The following AOPEP variants were observed in gnomAD, a reference collection of about 807,000 sequenced individuals.
AOPEP encodes the protein aminopeptidase O (putative).
A neutral mutation model predicts 98.1 loss-of-function variants in AOPEP; 77 were observed. That is an observed-to-expected ratio of 0.78 (90% CI 0.65 to 0.95). The LOEUF (loss-of-function observed/expected upper bound fraction) is 0.95. AOPEP is among the 40% of genes least tolerant of loss of function. The pLI is 0.00. For missense variants in AOPEP, 1,024 were observed against 1,024.7 expected (o/e 1.00, Z 0.01); for synonymous variants, 346 against 365.3 (o/e 0.95, Z 0.60).
intron 10 of AOPEP, among the ~76,000 whole-genome samples, 156 bp from the exon 11 acceptor site, chr9:94,979,211 C>G (rs1306037684): frequency 2.6e-5 from 4 of 151,964 alleles, no homozygotes; most frequent in African/African-American, 7.3e-5. Flanking sequence ...GGGCTCCCTT[C>G]CACACTTCAA....
the AOPEP span, among the ~76,000 whole-genome samples, chr9:95,118,363 G>A: frequency 1.3e-5 from 2 of 152,226 alleles, no homozygotes; most frequent in East Asian, 1.9e-4. Flanking sequence ...AACTGTGCTC[G>A]CATTTCGAGG....
chr9:94,828,734 AATAT>A (rs1041683720), intron 5 of AOPEP, among the ~76,000 whole-genome samples: 1 of 151,084 alleles, frequency 6.6e-6, no homozygotes, highest in African/African-American at 2.4e-5. Context: ...ATACACACAC[AATAT>A]ATATATATAC....
At chr9:94,971,695 T>C (rs960196865) in intron 10 of AOPEP, among the ~76,000 whole-genome samples, 5 of 152,244 alleles carry the variant, frequency 3.3e-5, no homozygotes, top group African/African-American at 1.2e-4. Flanking sequence ...TCTCTTGCTT[T>C]GATTTACTCA....
intron 5 of AOPEP, among the ~76,000 whole-genome samples, chr9:94,807,296 C>T (rs80047694): frequency 0.027 from 4,178 of 152,236 alleles, 190 homozygotes; most frequent in African/African-American, 0.095. Context: ...CATCATTATA[C>T]CATGATTCTT....
chr9:94,795,540 T>A (rs1846740592), intron 4 of AOPEP, among the ~76,000 whole-genome samples: 1 of 152,208 alleles, frequency 6.6e-6, no homozygotes, highest in Non-Finnish European at 1.5e-5. Flanking sequence ...TGATTGATTG[T>A]TAGAGGAGCT....
chr9:95,024,837 T>G (rs2063718071), intron 13 of AOPEP, among the ~76,000 whole-genome samples: 1 of 152,248 alleles, frequency 6.6e-6, no homozygotes, highest in African/African-American at 2.4e-5. Flanking sequence ...CGACTTCAGC[T>G]AAAAATAATT....
chr9:95,005,437 G>A (rs2061931823), intron 12 of AOPEP, 105 bp from the exon 13 acceptor site: 2 of 1,193,458 alleles, frequency 1.7e-6, no homozygotes. Flanking sequence ...CCGAGGTGCG[G>A]GGAAGACCAG....
intron 7 of AOPEP, among the ~76,000 whole-genome samples, chr9:94,950,312 G>A (rs2058013242): frequency 6.6e-6 from 1 of 152,234 alleles, no homozygotes; most frequent in African/African-American, 2.4e-5. Flanking sequence ...TTGAGCTACT[G>A]AATGCCAGGA....
intron 7 of AOPEP, chr9:94,928,904 G>A (rs1460300675): frequency 5.1e-6 from 1 of 196,848 alleles, no homozygotes; most frequent in Non-Finnish European, 1.0e-5. Flanking sequence ...GGAAAATATT[G>A]ATTCCTAAGT....
At chr9:95,114,448 G>A in the AOPEP span, 1 of 702,164 alleles carries the variant, frequency 1.4e-6, no homozygotes, top group Non-Finnish European at 2.6e-6. Context: ...ATCCTGACCT[G>A]CTCCAAGCCA....
chr9:94,906,593 A>C (rs979394998), intron 5 of AOPEP, among the ~76,000 whole-genome samples: 2 of 152,112 alleles, frequency 1.3e-5, no homozygotes, highest in African/African-American at 4.8e-5. Context: ...GCTTGAGCCC[A>C]GGAGTTCAAG....
chr9:95,032,833 T>C (rs2064436580), intron 13 of AOPEP, among the ~76,000 whole-genome samples: 1 of 152,222 alleles, frequency 6.6e-6, no homozygotes, highest in African/African-American at 2.4e-5. Flanking sequence ...TCAGTGATGT[T>C]ACAGGACGTG....
chr9:94,979,240 T>C (rs1032344040), intron 10 of AOPEP, 127 bp from the exon 11 acceptor site: 6 of 616,238 alleles, frequency 9.7e-6, no homozygotes, highest in Non-Finnish European at 1.8e-5. Context: ...AGCGCTGCCC[T>C]TTCTGTAAAG....
chr9:95,099,249 A>G, the AOPEP span: 3 of 219,014 alleles, frequency 1.4e-5, no homozygotes, highest in East Asian at 1.3e-4. Context: ...ATCAAAAACT[A>G]AACTATCAGG....
rs534401241 is a variant in AOPEP at position 94,874,276 on chromosome 9, T to C, written c.1365-49710T>C. On this transcript the variant is annotated intron_variant, in intron 5 of 16. Transcript: ENST00000375315. ...TTTAATCCAGGAAAAGTACTAATGA[T>C]TTAATATTTTTCTACAAGAATATCC... 1.2e-4 allele frequency among the ~76,000 whole-genome samples: 18 copies of C among 152,314 alleles called. No homozygotes were observed. In the East Asian group the frequency reaches 3.3e-3, roughly 28 times the overall value.
chr9:94,924,191 C>A lies in AOPEP; in HGVS notation c.1554+16C>A. The A allele has an allele frequency of 7.5e-7, 1 of 1,341,254 alleles. No homozygotes were observed. The highest frequency in any genetic ancestry group is 2.0e-5 in the South Asian group (1 of 50,024). The allele number at this position is 1,341,254 out of a possible 1,614,324, so 83.1% of individuals were successfully genotyped here. On this transcript the variant is annotated intron_variant, in intron 6 of 16. Coordinates refer to ENST00000375315, the MANE Select transcript of AOPEP (RefSeq NM_001193329.3). Reference sequence around the variant, plus strand: ...AGCACAGCAGGTGGGTTAAAGTGACCCTAAGTATTTCACTACCCAGAGTCA... The same window carrying A: ...AGCACAGCAGGTGGGTTAAAGTGACACTAAGTATTTCACTACCCAGAGTCA...
At chr9:94,819,871 C>T (rs1966739327) in intron 5 of AOPEP, among the ~76,000 whole-genome samples, 1 of 151,712 alleles carries the variant, frequency 6.6e-6, no homozygotes, top group South Asian at 2.1e-4. Flanking sequence ...CTGTGCTCAG[C>T]CCAAAAGGGA....
At chr9:94,728,241 A>ACG (rs1829708847) in intron 1 of AOPEP, among the ~76,000 whole-genome samples, 1 of 134,406 alleles carries the variant, frequency 7.4e-6, no homozygotes, top group Non-Finnish European at 1.6e-5. Context: ...GCGCGCATGC[A>ACG]CACACACACA....
At chr9:94,758,372 A>T (rs1048846165) in intron 1 of AOPEP, among the ~76,000 whole-genome samples, 2 of 152,350 alleles carry the variant, frequency 1.3e-5, no homozygotes, top group Middle Eastern at 3.4e-3. Context: ...TGCAGGAGGC[A>T]GGATTTTTTA....
Sources: gnomAD v4.1 joint callset for allele counts (sites outside exome capture counted in the v4.1 genomes callset) on GRCh38, gnomAD v4.1.1 for gene constraint, MANE v1.5 for transcripts, NCBI Gene and HGNC (gene_info 2026-07-23, HGNC 2026-07-21) for gene names.